Variants in TSPAN14 observed in about 807,000 individuals in gnomAD.
The protein encoded by TSPAN14 is tetraspanin-14.
A neutral mutation model predicts 36.6 loss-of-function variants in TSPAN14; 16 were observed. The ratio of observed to expected loss-of-function variants is 0.44; its 90% CI spans 0.30 to 0.66. The LOEUF (loss-of-function observed/expected upper bound fraction) is 0.66. Among genes scored for constraint, TSPAN14 ranks in the 30% least tolerant of loss-of-function variants. TSPAN14 has a pLI of 0.12. For synonymous variants in TSPAN14, 139 were observed against 143.8 expected (o/e 0.97, Z 0.24); for missense variants, 231 against 355.1 (o/e 0.65, Z 2.81).
At chr10:80,478,636 G>C (rs1435596554) in intron 1 of TSPAN14, among the ~76,000 whole-genome samples, 1 of 152,206 alleles carries the variant, frequency 6.6e-6, no homozygotes, top group South Asian at 2.1e-4. Context: ...AATCTGAGTG[G>C]TTTCGGGCTT....
intron 1 of TSPAN14, among the ~76,000 whole-genome samples, chr10:80,484,717 T>C (rs1045791884): frequency 6.6e-6 from 1 of 152,230 alleles, no homozygotes; most frequent in Non-Finnish European, 1.5e-5. Flanking sequence ...TTTTTTATTT[T>C]AATGTTACTT....
intron 6 of TSPAN14, among the ~76,000 whole-genome samples, chr10:80,512,486 C>G (rs1312677647): frequency 6.6e-6 from 1 of 152,148 alleles, no homozygotes; most frequent in African/African-American, 2.4e-5. Flanking sequence ...CCTTGGTGTT[C>G]TGGGTGAGGC....
intron 1 of TSPAN14, among the ~76,000 whole-genome samples, chr10:80,482,982 G>A (rs945755173): frequency 2.6e-5 from 4 of 152,128 alleles, no homozygotes; most frequent in Non-Finnish European, 4.4e-5. Flanking sequence ...TGATCCACCT[G>A]TCTCAGCCTC....
intron 5 of TSPAN14, among the ~76,000 whole-genome samples, chr10:80,511,307 C>T (rs1840604597): frequency 6.6e-6 from 1 of 152,300 alleles, no homozygotes; most frequent in East Asian, 1.9e-4. Flanking sequence ...CATCGGACCT[C>T]TTTTCCTCAG....
chr10:80,454,791 G>T (rs1845658630), intron 1 of TSPAN14, among the ~76,000 whole-genome samples: 1 of 152,182 alleles, frequency 6.6e-6, no homozygotes. Context: ...GCTCGGGGAT[G>T]GGCCACCCTT....
chr10:80,518,043 C>A, exon 9 of TSPAN14: 1 of 1,509,310 alleles, frequency 6.6e-7, no homozygotes, highest in Non-Finnish European at 9.0e-7. Flanking sequence ...GCCATCAGCC[C>A]TACGTCCAGA....
At chr10:80,498,478 A>T (rs191869686) in intron 2 of TSPAN14, among the ~76,000 whole-genome samples, 104 of 152,216 alleles carry the variant, frequency 6.8e-4, no homozygotes, top group Admixed American at 2.0e-3. Context: ...TCACTTGAAA[A>T]GCCTCCAGAA....
intron 1 of TSPAN14, among the ~76,000 whole-genome samples, chr10:80,460,927 A>G (rs1458505936): frequency 6.6e-6 from 1 of 152,038 alleles, no homozygotes; most frequent in Non-Finnish European, 1.5e-5. Context: ...TGACTGTCCC[A>G]TTTGTCTGAG....
intron 1 of TSPAN14, among the ~76,000 whole-genome samples, chr10:80,480,542 A>G (rs906785274): frequency 1.3e-5 from 2 of 152,246 alleles, no homozygotes; most frequent in Admixed American, 6.5e-5. Flanking sequence ...AATGTCCAAC[A>G]GTGATAGACT....
chr10:80,485,447 C>A (rs1444185377), intron 1 of TSPAN14, among the ~76,000 whole-genome samples: 1 of 152,184 alleles, frequency 6.6e-6, no homozygotes, highest in African/African-American at 2.4e-5. Flanking sequence ...CAGGAGCGCT[C>A]AGTCCTTTTT....
chr10:80,476,031 T>C (rs1360023250), intron 1 of TSPAN14, among the ~76,000 whole-genome samples: 1 of 152,188 alleles, frequency 6.6e-6, no homozygotes, highest in Non-Finnish European at 1.5e-5. Context: ...CACACATTTT[T>C]CCCTAAACTT....
chr10:80,485,005 A>G (rs1847509112), intron 1 of TSPAN14, among the ~76,000 whole-genome samples: 1 of 152,200 alleles, frequency 6.6e-6, no homozygotes, highest in African/African-American at 2.4e-5. Context: ...GTATTTTGAT[A>G]AACATGTGCC....
chr10:80,510,617 G>T (rs1002615818), intron 5 of TSPAN14, among the ~76,000 whole-genome samples: 5 of 152,232 alleles, frequency 3.3e-5, no homozygotes. Flanking sequence ...ACTCACGCCT[G>T]TAATCCCAGC....
intron 1 of TSPAN14, chr10:80,459,600 G>T: frequency 6.5e-6 from 1 of 153,070 alleles, no homozygotes; most frequent in Non-Finnish European, 1.5e-5. Context: ...GTTTGGGGAG[G>T]GACTGGAACA....
rs780263198 is a variant in TSPAN14 at position 80,509,794 on chromosome 10, A to G, written c.450+323A>G. 40 of 306,514 alleles carry G rather than the reference A, an allele frequency of 1.3e-4. No individual in the cohort carries two copies. The highest frequency in any genetic ancestry group is 2.2e-4 in the Non-Finnish European group (36 of 161,662). 19.0% of individuals were successfully genotyped at this position (306,514 alleles called of 1,614,324 possible). ...CTGCCCAATAGCCATACCAGCTGCA[A>G]TCCTCCTTAGGCGCTGCATACCGTA... On this transcript the variant is annotated intron_variant, in intron 5 of 8. Transcript: ENST00000429989. This position sits in a 1 kb window ranked among gnomAD's most constrained non-coding sequence, Gnocchi z 4.7.
intron 1 of TSPAN14, among the ~76,000 whole-genome samples, chr10:80,474,203 G>A (rs1221718601): frequency 6.6e-6 from 1 of 152,102 alleles, no homozygotes; most frequent in Non-Finnish European, 1.5e-5. Flanking sequence ...GGCCAGTTCT[G>A]GGAGCCTCAA....
intron 8 of TSPAN14, 100 bp from the exon 9 acceptor site, chr10:80,517,805 G>A: frequency 2.6e-6 from 3 of 1,143,324 alleles, no homozygotes; most frequent in Non-Finnish European, 3.9e-6. Context: ...GGGGGGTGAG[G>A]AGAGGCGTGC....
intron 1 of TSPAN14, among the ~76,000 whole-genome samples, chr10:80,487,330 T>C (rs1386181689): frequency 1.7e-5 from 2 of 117,458 alleles, no homozygotes; most frequent in Non-Finnish European, 1.8e-5. Flanking sequence ...GGGGCGGGGG[T>C]GGGGGACTTG....
chr10:80,483,631 G>A (rs1176885916), intron 1 of TSPAN14, among the ~76,000 whole-genome samples: 2 of 152,068 alleles, frequency 1.3e-5, no homozygotes, highest in Admixed American at 6.6e-5. Context: ...AAAGTAGGCC[G>A]GGTATGGTGG....
Sources: allele counts gnomAD v4.1 joint callset (sites outside exome capture counted in the v4.1 genomes callset), GRCh38; gene constraint gnomAD v4.1.1; non-coding constraint Gnocchi (gnomAD v3.1); transcripts MANE v1.5; gene names NCBI Gene and HGNC (gene_info 2026-07-23, HGNC 2026-07-21).